TUT4: variants seen among roughly 807,000 people sequenced by gnomAD.
TUT4 encodes the protein terminal uridylyl transferase 4, also known as terminal uridylyltransferase 4.
TUT4 carries 36 observed loss-of-function variants against 192.2 expected under a neutral mutation model. That is an observed-to-expected ratio of 0.19 (90% CI 0.14 to 0.25). The LOEUF is 0.25. Ranked by LOEUF, TUT4 falls within the 10% of genes least tolerant of loss-of-function variation. The probability of loss-of-function intolerance (pLI) is 1.00; values close to 1 mark genes in which losing one functional copy is unlikely to be tolerated. For missense variants in TUT4, 1,493 were observed against 1,957.2 expected (o/e 0.76, Z 4.47); for synonymous variants, 618 against 666.0 (o/e 0.93, Z 1.11).
intron 12 of TUT4, among the ~76,000 whole-genome samples, chr1:52,477,017 C>T (rs1399602427): frequency 1.3e-5 from 2 of 152,102 alleles, no homozygotes; most frequent in African/African-American, 4.8e-5. Context: ...TATTTTTCTC[C>T]TTTAGCGAAG....
At chr1:52,466,303 AGGCTG>A (rs992345032) in intron 15 of TUT4, among the ~76,000 whole-genome samples, 3 of 152,224 alleles carry the variant, frequency 2.0e-5, no homozygotes, top group African/African-American at 4.8e-5. Flanking sequence ...GTTTGAGACC[AGGCTG>A]GGCAACATGG....
intron 1 of TUT4, among the ~76,000 whole-genome samples, chr1:52,545,078 A>G (rs534797604): frequency 6.6e-4 from 100 of 151,260 alleles, no homozygotes; most frequent in African/African-American, 2.2e-3. Context: ...AAAAGCCAGA[A>G]AAGAAACAGA....
intron 1 of TUT4, among the ~76,000 whole-genome samples, chr1:52,545,829 T>C (rs1687922369): frequency 6.6e-6 from 1 of 151,586 alleles, no homozygotes. Flanking sequence ...TCAAAAATAA[T>C]AATAATAATA....
rs370761664 is a variant in TUT4, at chr1:52,489,489, T to C, written c.1389-454A>G. On this transcript the variant is annotated intron_variant, in intron 8 of 29. Transcript: ENST00000257177. Reference sequence around the variant, plus strand: ...CTGGCTATACTTCTTGACTCTAATTTTTCCTATCCAAGCTTTCACAATTGT... The same window carrying C: ...CTGGCTATACTTCTTGACTCTAATTCTTCCTATCCAAGCTTTCACAATTGT... Among the ~76,000 whole-genome samples the C allele has an allele frequency of 2.3e-4, 35 of 152,344 alleles. No individual in the cohort carries two copies. The East Asian group carries it at 6.4e-3, about 28-fold the overall frequency.
At chr1:52,497,515 T>C (rs556310638) in intron 4 of TUT4, among the ~76,000 whole-genome samples, 5 of 152,346 alleles carry the variant, frequency 3.3e-5, no homozygotes, top group African/African-American at 1.2e-4. Flanking sequence ...CCAAGGCAGA[T>C]TGTCTTAGAT....
intron 1 of TUT4, among the ~76,000 whole-genome samples, chr1:52,529,147 CTA>C (rs1422087256): frequency 6.6e-6 from 1 of 151,964 alleles, no homozygotes; most frequent in African/African-American, 2.4e-5. Context: ...CAAAACCACA[CTA>C]GATATGGTGT....
At chr1:52,490,171 G>C (rs1570887133) in intron 8 of TUT4, among the ~76,000 whole-genome samples, 1 of 111,144 alleles carries the variant, frequency 9.0e-6, no homozygotes, top group African/African-American at 3.1e-5. Flanking sequence ...TTTTTTTTGA[G>C]ACAGGGTCTC....
chr1:52,435,955 CAGT>C (rs1653642442), intron 26 of TUT4, among the ~76,000 whole-genome samples: 1 of 151,926 alleles, frequency 6.6e-6, no homozygotes, highest in South Asian at 2.1e-4. Context: ...AACCTTTCTG[CAGT>C]AAGAATCTGA....
intron 8 of TUT4, among the ~76,000 whole-genome samples, chr1:52,490,210 G>C (rs1004350673): frequency 2.7e-4 from 40 of 149,976 alleles, no homozygotes; most frequent in African/African-American, 9.8e-4. Flanking sequence ...GAGTGCAGTG[G>C]CACAATCACG....
chr1:52,456,945 A>G (rs1045686821), intron 20 of TUT4, among the ~76,000 whole-genome samples: 1 of 152,162 alleles, frequency 6.6e-6, no homozygotes, highest in African/African-American at 2.4e-5. Flanking sequence ...GGGGGAGGCT[A>G]TGCATGTGTG....
At chr1:52,511,411 T>C (rs1204662844) in intron 3 of TUT4, among the ~76,000 whole-genome samples, 1 of 152,188 alleles carries the variant, frequency 6.6e-6, no homozygotes, top group Non-Finnish European at 1.5e-5. Flanking sequence ...AGCAAACATT[T>C]TTCTAGGAGC....
intron 1 of TUT4, among the ~76,000 whole-genome samples, chr1:52,551,255 G>A (rs753762266): frequency 9.9e-5 from 15 of 152,028 alleles, no homozygotes; most frequent in South Asian, 2.1e-4. Flanking sequence ...TTTCTTTTCT[G>A]TATTTAAATG....
chr1:52,448,186 C>A (rs1227492732), intron 20 of TUT4, among the ~76,000 whole-genome samples: 2 of 152,168 alleles, frequency 1.3e-5, no homozygotes, highest in Non-Finnish European at 2.9e-5. Context: ...AATCAAGCTT[C>A]CAGGGACTAG....
At chr1:52,552,566 CAG>C (rs1689748087) in intron 1 of TUT4, among the ~76,000 whole-genome samples, 1 of 152,256 alleles carries the variant, frequency 6.6e-6, no homozygotes, top group Non-Finnish European at 1.5e-5. Flanking sequence ...CTGGACCCAA[CAG>C]AAATGTTCAA....
chr1:52,471,880 T>C, intron 14 of TUT4, 72 bp downstream of exon 14: 2 of 1,474,770 alleles, frequency 1.4e-6, no homozygotes, highest in Non-Finnish European at 9.1e-7. Flanking sequence ...AAACTGTTTT[T>C]AAATCAGAAA....
chr1:52,532,961 T>C (rs1683898258), intron 1 of TUT4, among the ~76,000 whole-genome samples: 1 of 152,236 alleles, frequency 6.6e-6, no homozygotes, highest in Non-Finnish European at 1.5e-5. Context: ...CTGCCCCGCT[T>C]CAATCATTCA....
intron 20 of TUT4, among the ~76,000 whole-genome samples, chr1:52,447,590 C>A (rs921263718): frequency 6.6e-6 from 1 of 150,940 alleles, no homozygotes; most frequent in African/African-American, 2.4e-5. Context: ...GAGAAAAAAA[C>A]GCTATTTTTA....
chr1:52,498,932 ATATATATATATATATATATATATAT>A (rs1673300735), intron 4 of TUT4, among the ~76,000 whole-genome samples: 2 of 103,726 alleles, frequency 1.9e-5, no homozygotes. Context: ...ATATATATAT[ATATATATATATATATATATATATAT>A]ATGACATTTT....
chr1:52,503,506 T>C (rs897441759), intron 4 of TUT4, among the ~76,000 whole-genome samples: 4 of 152,200 alleles, frequency 2.6e-5, no homozygotes, highest in African/African-American at 9.6e-5. Context: ...CAAAACTATG[T>C]CTTTTTTAGT....
Sources: allele counts gnomAD v4.1 joint callset (sites outside exome capture counted in the v4.1 genomes callset), GRCh38; gene constraint gnomAD v4.1.1; transcripts MANE v1.5; gene names NCBI Gene and HGNC (gene_info 2026-07-23, HGNC 2026-07-21).